PKNOX1: variants seen among roughly 807,000 people sequenced by gnomAD.
PKNOX1 encodes homeobox protein PKNOX1.
Under a neutral mutation model 51.9 loss-of-function variants are expected in PKNOX1, and 15 were observed. The observed-to-expected ratio is 0.29, with a 90% confidence interval of 0.19 to 0.45. The LOEUF (loss-of-function observed/expected upper bound fraction) is 0.45, where lower values mean the gene tolerates loss of function less well. PKNOX1 is among the 20% of genes least tolerant of loss of function. The pLI, the probability that PKNOX1 is intolerant of heterozygous loss-of-function variation, is 1.00. For synonymous variants in PKNOX1, 219 were observed against 211.1 expected (o/e 1.04, Z -0.32); for missense variants, 462 against 547.5 (o/e 0.84, Z 1.56).
intron 7 of PKNOX1, among the ~76,000 whole-genome samples, chr21:43,020,911 C>T (rs1243032045): frequency 1.3e-5 from 2 of 152,202 alleles, no homozygotes; most frequent in Non-Finnish European, 2.9e-5. Context: ...TATCATGTGC[C>T]AGCCTGGGCA....
At chr21:43,028,570 T>C in intron 9 of PKNOX1, 132 bp from the exon 10 acceptor site, 1 of 773,856 alleles carries the variant, frequency 1.3e-6, no homozygotes, top group South Asian at 1.7e-5. Flanking sequence ...AAGTAGTTAC[T>C]ATAGTGGAGA....
At chr21:43,012,515 G>A (rs564355533) in intron 4 of PKNOX1, among the ~76,000 whole-genome samples, 2 of 152,304 alleles carry the variant, frequency 1.3e-5, no homozygotes, top group Admixed American at 6.5e-5. Flanking sequence ...AGCTGAGATC[G>A]CACCACTGCA....
At chr21:43,023,676 G>T (rs1979862263) in intron 8 of PKNOX1, among the ~76,000 whole-genome samples, 1 of 151,446 alleles carries the variant, frequency 6.6e-6, no homozygotes, top group Non-Finnish European at 1.5e-5. Context: ...GTGCAGTGGC[G>T]CGATCTCGGC....
At chr21:43,029,621 C>T (rs1157372386) in intron 10 of PKNOX1, among the ~76,000 whole-genome samples, 2 of 151,438 alleles carry the variant, frequency 1.3e-5, no homozygotes, top group African/African-American at 2.4e-5. Context: ...TTAGTAGAGA[C>T]GGGGTTTCAC....
At chr21:43,029,361 G>C (rs771292585) in intron 10 of PKNOX1, among the ~76,000 whole-genome samples, 1 of 151,554 alleles carries the variant, frequency 6.6e-6, no homozygotes, top group Non-Finnish European at 1.5e-5. Context: ...GTTCGCATGA[G>C]GTCTTCATAT....
chr21:42,983,872 G>C (rs950792557), intron 1 of PKNOX1, among the ~76,000 whole-genome samples: 4 of 152,026 alleles, frequency 2.6e-5, no homozygotes, highest in African/African-American at 9.7e-5. Flanking sequence ...TTTCTTATGT[G>C]TTGTTGCTTT....
intron 1 of PKNOX1, among the ~76,000 whole-genome samples, chr21:42,991,733 CAAAAAAA>C (rs11340187): frequency 7.3e-6 from 1 of 137,888 alleles, no homozygotes; most frequent in Admixed American, 7.2e-5. Flanking sequence ...GACTCCGTCT[CAAAAAAA>C]AAAAAACAAA....
intron 6 of PKNOX1, 57 bp from the exon 7 acceptor site, chr21:43,018,076 A>C (rs1180331073): frequency 3.6e-6 from 3 of 826,626 alleles, no homozygotes; most frequent in East Asian, 2.6e-5. Context: ...AAAAAGAAGA[A>C]TGGTTTAAAT....
rs538303053 is a variant in PKNOX1 at position 43,011,270 on chromosome 21, C to T, written c.351+1046C>T. ...ATTTTTAGTAGAGACGGGATTTCAC[C>T]GTGTTAGCCAGGATAGTCTCGATCT... On this transcript the variant is annotated intron_variant, in intron 4 of 10. Transcript: ENST00000291547. Among the ~76,000 whole-genome samples the T allele has an allele frequency of 4.0e-3, 615 of 152,042 alleles. 3 individuals carry two copies. Among genetic ancestry groups the T allele is most frequent in the African/African-American group, 0.014 (579 of 41,486 alleles).
chr21:42,987,427 A>G (rs1226627539), intron 1 of PKNOX1, among the ~76,000 whole-genome samples: 5 of 133,172 alleles, frequency 3.8e-5, no homozygotes, highest in Non-Finnish European at 6.4e-5. Context: ...ATATATATAT[A>G]TGTATACTCA....
chr21:42,994,080 G>T (rs1206902685), intron 1 of PKNOX1, among the ~76,000 whole-genome samples: 3 of 122,954 alleles, frequency 2.4e-5, no homozygotes, highest in Admixed American at 9.6e-5. Flanking sequence ...TCCCTTTGTC[G>T]CCCAGGCTGG....
At chr21:43,002,445 C>A (rs960075940) in intron 1 of PKNOX1, among the ~76,000 whole-genome samples, 1 of 147,878 alleles carries the variant, frequency 6.8e-6, no homozygotes, top group African/African-American at 2.5e-5. Context: ...CTCCCTTTTA[C>A]CCCATTGACT....
In PKNOX1 at chr21:43,030,774, A is replaced by G. The variant is rs1212704812; in HGVS notation, c.*673A>G. ...ATAAAATTTCTAGAGAAGAAACAATACATGCTTGCTATTAATATTTCAATT... is the reference window on the plus strand; with the variant it reads ...ATAAAATTTCTAGAGAAGAAACAATGCATGCTTGCTATTAATATTTCAATT... On this transcript the variant is annotated 3_prime_UTR_variant, in exon 11 of 11. Transcript: ENST00000291547. 1 of 152,414 alleles carries G rather than the reference A, an allele frequency of 6.6e-6. No individual in the cohort carries two copies. Among genetic ancestry groups the G allele is most frequent in the Non-Finnish European group, 1.5e-5 (1 of 68,032 alleles). 9.4% of individuals were successfully genotyped at this position (152,414 alleles called of 1,614,324 possible). A position where few individuals can be genotyped will look rare whatever the true frequency, so the allele number is the denominator to read the frequency against.
At chr21:43,016,363 A>G (rs983697973) in intron 5 of PKNOX1, among the ~76,000 whole-genome samples, 2 of 152,214 alleles carry the variant, frequency 1.3e-5, no homozygotes, top group African/African-American at 4.8e-5. Context: ...AAGCAAGAAC[A>G]CTGGGGAAAG....
At chr21:42,976,475 A>G (rs1404406298) in intron 1 of PKNOX1, among the ~76,000 whole-genome samples, 1 of 152,228 alleles carries the variant, frequency 6.6e-6, no homozygotes, top group Non-Finnish European at 1.5e-5. Context: ...ACTTCTTTGT[A>G]GCATGTGATG....
intron 9 of PKNOX1, 156 bp from the exon 10 acceptor site, chr21:43,028,546 T>C (rs967129807): frequency 2.9e-6 from 2 of 687,072 alleles, no homozygotes; most frequent in Admixed American, 4.8e-5. Flanking sequence ...TCAGAAGAGC[T>C]GTTGAGTCCT....
chr21:43,008,002 T>G (rs559350234), intron 3 of PKNOX1, among the ~76,000 whole-genome samples: 7 of 151,120 alleles, frequency 4.6e-5, no homozygotes, highest in African/African-American at 1.5e-4. Flanking sequence ...AGGCGGAGGT[T>G]GCATTGAGCT....
At chr21:42,992,708 G>A (rs1324219877) in intron 1 of PKNOX1, among the ~76,000 whole-genome samples, 1 of 152,016 alleles carries the variant, frequency 6.6e-6, no homozygotes, top group African/African-American at 2.4e-5. Flanking sequence ...CAGATTAGAG[G>A]AGGTCTTCAC....
intron 1 of PKNOX1, among the ~76,000 whole-genome samples, chr21:42,984,423 T>C (rs775306357): frequency 5.9e-5 from 9 of 152,100 alleles, no homozygotes; most frequent in Non-Finnish European, 1.2e-4. Flanking sequence ...AGTTTTGCTC[T>C]TGTTGCTCAG....
Sources: gnomAD v4.1 joint callset for allele counts (sites outside exome capture counted in the v4.1 genomes callset) on GRCh38, gnomAD v4.1.1 for gene constraint, MANE v1.5 for transcripts, NCBI Gene and HGNC (gene_info 2026-07-23, HGNC 2026-07-21) for gene names.